RIC3: variants seen among roughly 807,000 people sequenced by gnomAD.
RIC3 encodes the protein RIC3 acetylcholine receptor chaperone.
Under a neutral mutation model 27.3 loss-of-function variants are expected in RIC3, and 28 were observed. The ratio of observed to expected loss-of-function variants is 1.02; its 90% CI spans 0.76 to 1.41. The LOEUF is 1.41. Among genes scored for constraint, RIC3 ranks in the 40% most tolerant of loss-of-function variants. RIC3 has a pLI of 0.00. For missense variants in RIC3, 501 were observed against 444.7 expected, an observed-to-expected ratio of 1.13 and a Z score of -1.14; for synonymous variants, 184 against 160.4, an observed-to-expected ratio of 1.15 and a Z score of -1.11.
intron 4 of RIC3, among the ~76,000 whole-genome samples, chr11:8,134,002 AT>A (rs995684318): frequency 3.3e-5 from 5 of 149,970 alleles, no homozygotes; most frequent in Admixed American, 6.6e-5. Context: ...TAATATATAT[AT>A]TTTTTATTAT....
At chr11:8,151,211 A>C (rs1000295514) in intron 1 of RIC3, among the ~76,000 whole-genome samples, 1 of 152,220 alleles carries the variant, frequency 6.6e-6, no homozygotes, top group African/African-American at 2.4e-5. Context: ...CAACCCACTG[A>C]GTGGGAGAAA....
chr11:8,131,181 T>A (rs935511712), intron 4 of RIC3, among the ~76,000 whole-genome samples: 1 of 152,218 alleles, frequency 6.6e-6, no homozygotes, highest in African/African-American at 2.4e-5. Context: ...GAGCCTTTTA[T>A]GTGCCTGTGC....
At position 8,107,899 on chromosome 11, in the gene RIC3, C is replaced by G. The variant is rs911122471; in HGVS notation, c.*2799G>C. 1.2e-4 allele frequency: 18 copies of G among 152,198 alleles called. No homozygotes were observed. The highest frequency in any genetic ancestry group is 4.1e-4 in the African/African-American group (17 of 41,504). 9.4% of individuals were successfully genotyped at this position (152,198 alleles called of 1,614,324 possible). On this transcript the variant is annotated 3_prime_UTR_variant, in exon 6 of 6. Transcript: ENST00000309737. The stretch of plus-strand genomic sequence containing the variant: ...CAGCACCCTCGTGAGAAATGAAGAC[C>G]GCAAGAAAAGAGACAGCAGCCCTGG...
chr11:8,137,521 C>A (rs759910262), intron 3 of RIC3, 50 bp from the exon 4 acceptor site: 2 of 1,503,058 alleles, frequency 1.3e-6, no homozygotes, highest in South Asian at 2.3e-5. Flanking sequence ...CTCCCTAAAC[C>A]TGTTAAAGAG....
At chr11:8,142,549 A>C (rs1379918248) in intron 1 of RIC3, among the ~76,000 whole-genome samples, 1 of 148,858 alleles carries the variant, frequency 6.7e-6, no homozygotes, top group Non-Finnish European at 1.5e-5. Context: ...TTTACCAACC[A>C]AAAAGAGTCC....
chr11:8,130,207 C>T (rs1947519467), intron 4 of RIC3, among the ~76,000 whole-genome samples: 1 of 152,212 alleles, frequency 6.6e-6, no homozygotes, highest in African/African-American at 2.4e-5. Flanking sequence ...ATGTGACCCA[C>T]TACTAATTAT....
the RIC3 span, chr11:8,095,614 G>C: frequency 6.2e-7 from 1 of 1,611,776 alleles, no homozygotes; most frequent in Non-Finnish European, 8.5e-7. Flanking sequence ...GGCAGCTGGT[G>C]GGGGCGAACG....
intron 1 of RIC3, among the ~76,000 whole-genome samples, chr11:8,165,773 T>TA (rs1190698598): frequency 9.4e-6 from 1 of 106,878 alleles, no homozygotes; most frequent in African/African-American, 5.4e-5. Flanking sequence ...GGGGTTTTTT[T>TA]TTTGTTTTGT....
At chr11:8,151,662 C>T (rs141934659) in intron 1 of RIC3, among the ~76,000 whole-genome samples, 3,270 of 150,672 alleles carry the variant, frequency 0.022, 114 homozygotes, top group African/African-American at 0.077. Context: ...GCTTGTAATC[C>T]CATCACTTTG....
intron 4 of RIC3, 27 bp downstream of exon 4, chr11:8,137,351 T>C: frequency 6.3e-7 from 1 of 1,585,732 alleles, no homozygotes; most frequent in Non-Finnish European, 8.7e-7. Context: ...TGAGAAATAG[T>C]CTGAGTCCCG....
chr11:8,168,359 A>T (rs1590465311), intron 1 of RIC3, among the ~76,000 whole-genome samples: 1 of 152,340 alleles, frequency 6.6e-6, no homozygotes. Context: ...ATATTTTTAA[A>T]GGCACAAGAA....
Position 8,158,734 on chromosome 11 carries a change from T to TGTTC in RIC3, c.124+10131_124+10132insGAAC, listed in dbSNP as rs878876769. Among the ~76,000 whole-genome samples the TGTTC allele has an allele frequency of 2.8e-3, 340 of 120,446 alleles. 10 individuals are homozygous for TGTTC. The highest frequency in any genetic ancestry group is 0.023 in the Admixed American group (254 of 10,890). The allele number at this position is 120,446 out of a possible 152,430, so 79.0% of individuals were successfully genotyped here. A position where few individuals can be genotyped will look rare whatever the true frequency, so the allele number is the denominator to read the frequency against. The stretch of plus-strand genomic sequence containing the variant: ...AGGAAGCCAGAGTTAAGAAGTTTTT[T>TGTTC]GTTTGTTTTTTGTTTTATTTTGAGA... On this transcript the variant is annotated intron_variant, in intron 1 of 5. Coordinates refer to ENST00000309737, the MANE Select transcript of RIC3 (RefSeq NM_001206671.4).
rs542843564 is a variant in RIC3, at chr11:8,151,362, C to G, written c.125-11169G>C. On this transcript the variant is annotated intron_variant, in intron 1 of 5. Transcript: ENST00000309737. ...CAGCACTTTGGGAGGCCGAGACGGG[C>G]GGATCACGAGGTCAGGAGATCGAGA... Among the ~76,000 whole-genome samples, 15 of 151,686 alleles carry G rather than the reference C, an allele frequency of 9.9e-5. No homozygotes were observed. In the East Asian group the frequency reaches 2.5e-3, roughly 25 times the overall value.
At chr11:8,115,951 C>G (rs1303458180) in intron 5 of RIC3, among the ~76,000 whole-genome samples, 1 of 151,962 alleles carries the variant, frequency 6.6e-6, no homozygotes, top group East Asian at 1.9e-4. Flanking sequence ...CAATTGTGAA[C>G]AAAAAGAACA....
At chr11:8,128,165 T>C (rs1447088503) in intron 4 of RIC3, 1 of 456,968 alleles carries the variant, frequency 2.2e-6, no homozygotes, top group Non-Finnish European at 4.4e-6. Context: ...TATTTCTTAC[T>C]GTTAAAACAA....
chr11:8,141,945 G>T (rs1036649121), intron 1 of RIC3, among the ~76,000 whole-genome samples: 1 of 151,716 alleles, frequency 6.6e-6, no homozygotes, highest in Non-Finnish European at 1.5e-5. Context: ...ATAACGAAAC[G>T]AAGGCAGAAA....
downstream of RIC3, chr11:8,101,757 A>C: frequency 7.0e-7 from 1 of 1,423,296 alleles, no homozygotes; most frequent in Non-Finnish European, 9.2e-7. Flanking sequence ...TCCCTGGCCC[A>C]GCCAGCCAGG....
chr11:8,101,553 G>C (rs147880022), downstream of RIC3: 3 of 1,614,240 alleles, frequency 1.9e-6, no homozygotes, highest in East Asian at 6.7e-5. Flanking sequence ...ACAACTACCC[G>C]CTGTGTGCAC....
In RIC3 at chr11:8,132,109, C is replaced by G. The variant is rs534269027; in HGVS notation, c.521+5269G>C. 5.9e-4 allele frequency among the ~76,000 whole-genome samples: 89 copies of G among 152,046 alleles called. 1 individual carries two copies. Among genetic ancestry groups the G allele is most frequent in the Non-Finnish European group, 1.1e-3 (73 of 68,016 alleles). On this transcript the variant is annotated intron_variant, in intron 4 of 5. Transcript: ENST00000309737. Reference sequence around the variant, plus strand: ...CCTTTGCTGCCAGAGGTTGCACCCTCCCTGCTTTTCTCATGGACTGCTTGA... The same window carrying G: ...CCTTTGCTGCCAGAGGTTGCACCCTGCCTGCTTTTCTCATGGACTGCTTGA...
Sources: gnomAD v4.1 joint callset for allele counts (sites outside exome capture counted in the v4.1 genomes callset) on GRCh38, gnomAD v4.1.1 for gene constraint, MANE v1.5 for transcripts, NCBI Gene and HGNC (gene_info 2026-07-23, HGNC 2026-07-21) for gene names.